MRAP: variants seen among roughly 807,000 people sequenced by gnomAD.
MRAP encodes the protein melanocortin-2 receptor accessory protein.
Under a neutral mutation model 8.7 loss-of-function variants are expected in MRAP, and 8 were observed. That is an observed-to-expected ratio of 0.92 (90% CI 0.54 to 1.66). The LOEUF (loss-of-function observed/expected upper bound fraction) is 1.66, where lower values mean the gene tolerates loss of function less well. MRAP is among the 40% of genes most tolerant of loss of function. The pLI, the probability that MRAP is intolerant of heterozygous loss-of-function variation, is 0.00. For missense variants in MRAP, 237 were observed against 217.1 expected (o/e 1.09, Z -0.58); for synonymous variants, 95 against 95.5 (o/e 1.00, Z 0.03).
chr21:32,299,101 G>C lies in MRAP; in HGVS notation c.106+24G>C, dbSNP rs768783416. On this transcript the variant is annotated intron_variant, in intron 1 of 2. Transcript: ENST00000303645. ...ACGTAAGTCTGAACTAGGGAAGCCG[G>C]TCAGACAGAGGCTGGGGGCCGGGGC... 7 of 1,591,602 alleles carry C rather than the reference G, an allele frequency of 4.4e-6. No homozygotes were observed. The East Asian group carries it at 1.1e-4, about 25-fold the overall frequency.
chr21:32,311,711 C>A lies in MRAP; in HGVS notation c.234C>A (p.Cys78Ter). The A allele has an allele frequency of 6.2e-7, 1 of 1,613,984 alleles. No individual in the cohort carries two copies. Among genetic ancestry groups the A allele is most frequent in the Non-Finnish European group, 8.5e-7 (1 of 1,179,964 alleles). The change falls in exon 3 of 3, where the codon TGC (cysteine) becomes TGA (stop). Residue 78 changes from cysteine (C) to a stop codon, truncating the protein, a stop_gained. Coordinates refer to ENST00000303645, the MANE Select transcript of MRAP (RefSeq NM_001379228.1). LOFTEE classifies it low-confidence loss of function (END_TRUNC). ...ACAGCCCCAAGCACCACCAAACATGCCCCTGGAGTCACGGCCTCAACCTCC... is the reference window on the plus strand; with the variant it reads ...ACAGCCCCAAGCACCACCAAACATGACCCTGGAGTCACGGCCTCAACCTCC... ...MRNSPKHHQTCPWSHGLNLHL... is the reference protein window; with the variant it reads ...MRNSPKHHQT
intron 1 of MRAP, among the ~76,000 whole-genome samples, chr21:32,300,662 C>T (rs1309766645): frequency 6.8e-6 from 1 of 147,602 alleles, no homozygotes; most frequent in Non-Finnish European, 1.5e-5. Flanking sequence ...GGGCGTCACA[C>T]GTCCTATGTC....
chr21:32,299,196 A>T (rs1245174397), intron 1 of MRAP, 119 bp downstream of exon 1: 2 of 770,026 alleles, frequency 2.6e-6, no homozygotes, highest in Non-Finnish European at 4.5e-6. Flanking sequence ...ATGGGAAAGC[A>T]GGAATGTGGC....
At chr21:32,296,485 T>C (rs2032141260), upstream of MRAP, among the ~76,000 whole-genome samples, 1 of 152,202 alleles carries the variant, frequency 6.6e-6, no homozygotes, top group Non-Finnish European at 1.5e-5. Context: ...CATGTGTCAC[T>C]TCACAACGGG....
chr21:32,302,874 TA>T (rs2032322863), intron 1 of MRAP, among the ~76,000 whole-genome samples: 1 of 152,084 alleles, frequency 6.6e-6, no homozygotes, highest in Non-Finnish European at 1.5e-5. Context: ...ACATAGTCTT[TA>T]ACTCAGGCAG....
At chr21:32,306,556 A>C in intron 1 of MRAP, 84 bp from the exon 2 acceptor site, 1 of 1,139,290 alleles carries the variant, frequency 8.8e-7, no homozygotes, top group Non-Finnish European at 1.3e-6. Flanking sequence ...CTCATTCCAC[A>C]ATACCCTGGG....
intron 1 of MRAP, among the ~76,000 whole-genome samples, chr21:32,300,866 G>A (rs1336242257): frequency 3.3e-5 from 5 of 150,656 alleles, no homozygotes; most frequent in Non-Finnish European, 5.9e-5. Context: ...GGGGCGTCAT[G>A]CGTCCTATGT....
chr21:32,299,773 C>T (rs1229335144), intron 1 of MRAP, among the ~76,000 whole-genome samples: 1 of 152,194 alleles, frequency 6.6e-6, no homozygotes, highest in African/African-American at 2.4e-5. Context: ...CCCTAAAATG[C>T]AGATTTAATG....
upstream of MRAP, among the ~76,000 whole-genome samples, chr21:32,297,620 T>C (rs540224662): frequency 1.3e-5 from 2 of 152,282 alleles, no homozygotes; most frequent in East Asian, 1.9e-4. Flanking sequence ...GTTCTGTGTG[T>C]GAGCCATTCT....
At chr21:32,298,355 C>T (rs889347207), upstream of MRAP, among the ~76,000 whole-genome samples, 6 of 151,958 alleles carry the variant, frequency 3.9e-5, no homozygotes, top group African/African-American at 1.5e-4. Context: ...GAGAGGTGCA[C>T]TCTGTTGGGG....
intron 2 of MRAP, among the ~76,000 whole-genome samples, chr21:32,309,197 A>T (rs1231874601): frequency 6.7e-6 from 1 of 149,600 alleles, no homozygotes; most frequent in East Asian, 2.0e-4. Flanking sequence ...CAGTCTAGAG[A>T]AAAAAAAAAC....
upstream of MRAP, among the ~76,000 whole-genome samples, chr21:32,294,417 G>GT (rs1034329331): frequency 2.0e-5 from 3 of 152,026 alleles, no homozygotes; most frequent in Admixed American, 1.3e-4. Context: ...ACCCGGACAG[G>GT]TGTCTCCTGA....
Position 32,311,262 on chromosome 21 carries a change from C to T in MRAP, c.207-422C>T, listed in dbSNP as rs111285307. 1,459 of 180,284 alleles carry T rather than the reference C, an allele frequency of 8.1e-3. 26 individuals are homozygous for T. Among genetic ancestry groups the T allele is most frequent in the African/African-American group, 0.031 (1,324 of 42,334 alleles). 11.2% of individuals were successfully genotyped at this position (180,284 alleles called of 1,614,324 possible). On this transcript the variant is annotated intron_variant, in intron 2 of 2. Transcript: ENST00000303645. ...CTCCCACTGGGTCCTTCCCACGACA[C>T]GTGGGGATTATTACAATTCAAGGTG...
chr21:32,293,483 C>T (rs1256723046), intron 2 of MRAP, among the ~76,000 whole-genome samples: 5 of 152,178 alleles, frequency 3.3e-5, no homozygotes, highest in African/African-American at 7.2e-5. Flanking sequence ...GGCCTGGAGA[C>T]GGCTGTATCT....
chr21:32,292,091 T>A (rs980634220), intron 1 of MRAP, among the ~76,000 whole-genome samples: 1 of 152,116 alleles, frequency 6.6e-6, no homozygotes, highest in Non-Finnish European at 1.5e-5. Context: ...AATGTGAGCA[T>A]TGACTAGATA....
upstream of MRAP, among the ~76,000 whole-genome samples, chr21:32,298,677 C>T (rs899193897): frequency 6.6e-5 from 10 of 152,276 alleles, no homozygotes; most frequent in South Asian, 2.1e-4. Context: ...AGAGAGGGAT[C>T]CTAGGGCTGC....
At chr21:32,296,801 G>A (rs545749152), upstream of MRAP, among the ~76,000 whole-genome samples, 6 of 152,016 alleles carry the variant, frequency 3.9e-5, no homozygotes, top group East Asian at 1.2e-3. Flanking sequence ...ATCTGTATAG[G>A]GCCCTTACCA....
chr21:32,309,795 T>C (rs1191936141), intron 2 of MRAP, among the ~76,000 whole-genome samples: 3 of 150,472 alleles, frequency 2.0e-5, no homozygotes, highest in Non-Finnish European at 4.4e-5. Context: ...ATACAAAAAT[T>C]AGCTGGGCAT....
chr21:32,298,719 T>C (rs796128910), upstream of MRAP: 6 of 457,714 alleles, frequency 1.3e-5, no homozygotes, highest in African/African-American at 6.0e-5. Flanking sequence ...CTCTCTGCTC[T>C]GTGTGCTTTG....
Sources: allele counts gnomAD v4.1 joint callset (sites outside exome capture counted in the v4.1 genomes callset), GRCh38; gene constraint gnomAD v4.1.1; transcripts MANE v1.5; gene names NCBI Gene and HGNC (gene_info 2026-07-23, HGNC 2026-07-21).